Variants in PUM1 observed in about 807,000 individuals in gnomAD.
The protein encoded by PUM1 is pumilio homolog 1.
In PUM1, 13 loss-of-function variants were observed where a neutral mutation model predicts 131.8. The ratio of observed to expected loss-of-function variants is 0.10; its 90% CI spans 0.06 to 0.16. PUM1 has a LOEUF of 0.16. PUM1 is among the 10% of genes least tolerant of loss of function. The pLI is 1.00. For missense variants in PUM1, 961 were observed against 1,512.4 expected (o/e 0.64, Z 6.05); for synonymous variants, 509 against 556.5 (o/e 0.91, Z 1.20).
chr1:31,056,609 C>CTTTTT lies in PUM1; in HGVS notation c.363+2590_363+2594dup, dbSNP rs57685772. On this transcript the variant is annotated intron_variant, in intron 2 of 21. Coordinates refer to ENST00000426105, the MANE Select transcript of PUM1 (RefSeq NM_001020658.2). ...CAGCTGAAAACCTTCCTTTTCTTTT[C>CTTTTT]TTTTTTTTTTTTTTTTTTTTTTTTT... Among the ~76,000 whole-genome samples, 100 of 43,708 alleles carry CTTTTT rather than the reference C, an allele frequency of 2.3e-3. 11 individuals are homozygous for CTTTTT. The highest frequency in any genetic ancestry group is 2.7e-3 in the Non-Finnish European group (67 of 24,874). 28.7% of individuals were successfully genotyped at this position (43,708 alleles called of 152,430 possible). A position where few individuals can be genotyped will look rare whatever the true frequency, so the allele number is the denominator to read the frequency against.
At chr1:30,954,129 A>G (rs1424225852) in intron 14 of PUM1, 148 bp from the exon 15 acceptor site, 6 of 865,826 alleles carry the variant, frequency 6.9e-6, no homozygotes, top group Non-Finnish European at 1.0e-5. Flanking sequence ...TATTAGCGTC[A>G]TGACTTTCGT....
intron 9 of PUM1, among the ~76,000 whole-genome samples, chr1:30,976,026 T>TA (rs1641123550): frequency 6.8e-6 from 1 of 148,100 alleles, no homozygotes; most frequent in Admixed American, 6.8e-5. Context: ...AGGCAGAGGT[T>TA]ACAGTGAGCC....
chr1:31,064,992 A>G (rs1416584508), intron 1 of PUM1, among the ~76,000 whole-genome samples: 1 of 152,192 alleles, frequency 6.6e-6, no homozygotes, highest in African/African-American at 2.4e-5. Flanking sequence ...GAACCCACCA[A>G]AAACACAAGC....
intron 1 of PUM1, among the ~76,000 whole-genome samples, chr1:31,063,264 A>T (rs148311967): frequency 2.6e-5 from 4 of 152,172 alleles, no homozygotes; most frequent in Non-Finnish European, 4.4e-5. Flanking sequence ...AATGAAAGAA[A>T]TCCTTCCTCT....
intron 2 of PUM1, among the ~76,000 whole-genome samples, chr1:31,058,833 G>T (rs964510050): frequency 1.3e-5 from 2 of 148,548 alleles, no homozygotes; most frequent in Non-Finnish European, 3.0e-5. Context: ...AGCCAGGCGT[G>T]GTGGTGCACA....
In PUM1 at chr1:31,005,791, AAGAG is replaced by A. The variant is rs57530886; in HGVS notation, c.720+58_720+61del. On this transcript the variant is annotated intron_variant, in intron 5 of 21. Coordinates refer to ENST00000426105, the MANE Select transcript of PUM1 (RefSeq NM_001020658.2). ...GGCATGTTTTGCTTTAGGGGAAAAA[AAGAG>A]AGAGAGAGAGAGAGAGAGAGAGAGA... 7.1e-3 allele frequency: 9,292 copies of A among 1,300,854 alleles called. 35 individuals carry two copies. The highest frequency in any genetic ancestry group is 0.033 in the African/African-American group (2,195 of 66,702). 80.6% of individuals were successfully genotyped at this position (1,300,854 alleles called of 1,614,324 possible).
At chr1:30,941,731 G>A (rs549649050) in intron 19 of PUM1, among the ~76,000 whole-genome samples, 2 of 152,190 alleles carry the variant, frequency 1.3e-5, no homozygotes, top group East Asian at 3.9e-4. Flanking sequence ...GAGACCCAGA[G>A]GGATTAAATG....
intron 15 of PUM1, 142 bp from the exon 16 acceptor site, chr1:30,952,505 C>T: frequency 8.0e-7 from 1 of 1,244,680 alleles, no homozygotes. Flanking sequence ...ATAAACCAAA[C>T]TTTATTTGAA....
chr1:31,004,089 C>T (rs1642313248), intron 5 of PUM1, among the ~76,000 whole-genome samples: 2 of 152,182 alleles, frequency 1.3e-5, no homozygotes, highest in South Asian at 4.1e-4. Flanking sequence ...AAGTCTTAAC[C>T]TCCTCTGTCA....
chr1:31,013,377 T>C (rs75079440), intron 3 of PUM1, among the ~76,000 whole-genome samples: 6,942 of 152,278 alleles, frequency 0.046, 236 homozygotes, highest in Non-Finnish European at 0.071. Flanking sequence ...GAATAAAATA[T>C]TAGGTAACTG....
chr1:31,042,233 G>C (rs887126337), intron 2 of PUM1, among the ~76,000 whole-genome samples: 8 of 151,962 alleles, frequency 5.3e-5, no homozygotes, highest in African/African-American at 1.5e-4. Flanking sequence ...TTGAATCCAG[G>C]AGGCAGAGGT....
intron 2 of PUM1, among the ~76,000 whole-genome samples, chr1:31,056,937 C>G (rs1011399332): frequency 1.3e-5 from 2 of 152,000 alleles, no homozygotes; most frequent in Non-Finnish European, 2.9e-5. Context: ...GGATTACAAG[C>G]ATGCGCCACC....
intron 1 of PUM1, among the ~76,000 whole-genome samples, chr1:31,065,347 C>G (rs573899460): frequency 1.1e-4 from 17 of 152,288 alleles, no homozygotes; most frequent in Non-Finnish European, 2.2e-4. Context: ...GGCACGTCTA[C>G]GCCCTGGGCT....
intron 7 of PUM1, among the ~76,000 whole-genome samples, chr1:30,983,179 T>C (rs1369707622): frequency 1.3e-5 from 2 of 152,342 alleles, no homozygotes; most frequent in South Asian, 4.1e-4. Context: ...TCTCACACAG[T>C]ATTCCCTCCA....
intron 16 of PUM1, 148 bp from the exon 17 acceptor site, chr1:30,950,409 C>T (rs963138643): frequency 5.2e-6 from 4 of 767,438 alleles, no homozygotes; most frequent in Non-Finnish European, 7.8e-6. Context: ...ATTTAAAGAG[C>T]CATTGCTTCT....
chr1:30,976,410 A>G (rs894533216), intron 9 of PUM1, among the ~76,000 whole-genome samples: 4 of 152,240 alleles, frequency 2.6e-5, no homozygotes, highest in African/African-American at 9.6e-5. Flanking sequence ...ATTAACAGTA[A>G]CCAAACCTTC....
intron 1 of PUM1, 105 bp from the exon 2 acceptor site, chr1:31,059,682 C>T (rs1644325026): frequency 1.5e-6 from 2 of 1,351,198 alleles, no homozygotes; most frequent in Non-Finnish European, 2.0e-6. Context: ...AAATAAATGT[C>T]GTTGGTGGCA....
intron 5 of PUM1, among the ~76,000 whole-genome samples, chr1:30,999,217 T>C (rs370388965): frequency 2.1e-4 from 32 of 152,208 alleles, no homozygotes; most frequent in Middle Eastern, 3.4e-3. Flanking sequence ...ACAGGCTAGA[T>C]TCAAACACCT....
intron 2 of PUM1, among the ~76,000 whole-genome samples, chr1:31,050,359 CCT>C (rs1454112189): frequency 6.6e-6 from 1 of 152,014 alleles, no homozygotes; most frequent in Non-Finnish European, 1.5e-5. Context: ...GTGGTACACC[CCT>C]GTAATCCCAG....
Sources: gnomAD v4.1 joint callset for allele counts (sites outside exome capture counted in the v4.1 genomes callset) on GRCh38, gnomAD v4.1.1 for gene constraint, MANE v1.5 for transcripts, NCBI Gene and HGNC (gene_info 2026-07-23, HGNC 2026-07-21) for gene names.